Variants in PYGB observed in about 807,000 individuals in gnomAD.
PYGB encodes the protein glycogen phosphorylase B.
In PYGB, 82 loss-of-function variants were observed where a neutral mutation model predicts 94.3. That is an observed-to-expected ratio of 0.87 (90% confidence interval 0.73 to 1.04). The LOEUF (loss-of-function observed/expected upper bound fraction) is 1.04, where lower values mean the gene tolerates loss of function less well. PYGB is among the 50% of genes least tolerant of loss of function. The pLI, the probability that PYGB is intolerant of heterozygous loss-of-function variation, is 0.00. For synonymous variants in PYGB, 488 were observed against 479.1 expected, an observed-to-expected ratio of 1.02 and a Z score of -0.24; for missense variants, 1,132 against 1,158.2, an observed-to-expected ratio of 0.98 and a Z score of 0.33.
intron 5 of PYGB, among the ~76,000 whole-genome samples, chr20:25,275,417 G>T (rs964501968): frequency 1.3e-5 from 2 of 152,370 alleles, no homozygotes; most frequent in East Asian, 1.9e-4. Flanking sequence ...AGGAGAGGCT[G>T]CAGGAGAACG....
chr20:25,272,454 GCACAGCGAT>G (rs1334572587), intron 4 of PYGB, among the ~76,000 whole-genome samples: 2 of 152,220 alleles, frequency 1.3e-5, no homozygotes, highest in African/African-American at 4.8e-5. Context: ...TCCATGACAC[GCACAGCGAT>G]GCGTTTAGTG....
chr20:25,286,643 G>T (rs2088420571), intron 14 of PYGB, among the ~76,000 whole-genome samples: 1 of 152,146 alleles, frequency 6.6e-6, no homozygotes, highest in Non-Finnish European at 1.5e-5. Context: ...CCAGCCTGTG[G>T]CTGCGCCTCT....
chr20:25,266,826 A>G (rs541958360), intron 2 of PYGB, among the ~76,000 whole-genome samples: 1 of 152,354 alleles, frequency 6.6e-6, no homozygotes, highest in Non-Finnish European at 1.5e-5. Flanking sequence ...GTATTCCCAC[A>G]AGAATGGCTA....
At position 25,281,124 on chromosome 20, in the gene PYGB, G is replaced by A. The variant is rs755521369; in HGVS notation, c.1403+12G>A. 8.1e-6 allele frequency: 13 copies of A among 1,613,478 alleles called. No individual in the cohort carries two copies. Among genetic ancestry groups the A allele is most frequent in the African/African-American group, 5.3e-5 (4 of 74,914 alleles). On this transcript the variant is annotated intron_variant, in intron 11 of 19. Coordinates refer to ENST00000216962, the MANE Select transcript of PYGB (RefSeq NM_002862.4). ...GTGAAACAGTCGGTGTGAGTGGGGC[G>A]CTTGCCCGAGCGGGGCCAGCTCTGT...
chr20:25,249,312 G>A (rs1336676455), intron 1 of PYGB, among the ~76,000 whole-genome samples: 1 of 152,220 alleles, frequency 6.6e-6, no homozygotes, highest in African/African-American at 2.4e-5. Context: ...TCAATGGATA[G>A]GATGGTAGTT....
rs928214558 is a variant in PYGB, at chr20:25,287,931, C to T, written c.1769-494C>T. ...GGAAGGTAGAGGCTGCAGTGAGCTA[C>T]GCTTACACCACCGCACTCCAGCCTG... On this transcript the variant is annotated intron_variant, in intron 14 of 19. Transcript: ENST00000216962. Among the ~76,000 whole-genome samples the T allele has an allele frequency of 2.6e-5, 4 of 151,644 alleles. No individual in the cohort carries two copies. The East Asian group carries it at 5.9e-4, about 22-fold the overall frequency.
At chr20:25,258,486 G>A (rs763138810) in intron 1 of PYGB, among the ~76,000 whole-genome samples, 1 of 152,242 alleles carries the variant, frequency 6.6e-6, no homozygotes, top group Non-Finnish European at 1.5e-5. Flanking sequence ...CACATATCCT[G>A]TTAGTCCTTG....
At chr20:25,290,197 C>G (rs1472980037) in intron 15 of PYGB, among the ~76,000 whole-genome samples, 1 of 152,238 alleles carries the variant, frequency 6.6e-6, no homozygotes, top group Non-Finnish European at 1.5e-5. Context: ...CTCTAGAAAT[C>G]CTGGTCTCTT....
chr20:25,294,076 G>A (rs931153124), intron 17 of PYGB, 82 bp from the exon 18 acceptor site: 125 of 1,556,518 alleles, frequency 8.0e-5, no homozygotes, highest in Middle Eastern at 1.9e-4. Context: ...GGCAGGGGCT[G>A]TGCCAGGCAC....
In PYGB at chr20:25,292,618, G is replaced by A. The variant is rs200769829; in HGVS notation, c.2177+5G>A. ...CGAGGCCTTGGACCGGAAAGGGTGC[G>A]AGCCTGTGCCCCTGGGCACCTGGCA... On this transcript the variant is annotated splice_donor_5th_base_variant and intron_variant, in intron 17 of 19. Coordinates refer to ENST00000216962, the MANE Select transcript of PYGB (RefSeq NM_002862.4). 58 of 1,609,088 alleles carry A rather than the reference G, an allele frequency of 3.6e-5. No homozygotes were observed. The highest frequency in any genetic ancestry group is 3.3e-5 in the Admixed American group (2 of 59,944).
rs2088414867 is a variant in PYGB, at chr20:25,285,995, TCC to T, written c.1768+1745_1768+1746del. ...TTTGGCTGAAGATGCCAGTCTTAAC[TCC>T]ACTTCCTTCCCCCAGTGCTTTTTAG... On this transcript the variant is annotated intron_variant, in intron 14 of 19. Coordinates refer to ENST00000216962, the MANE Select transcript of PYGB (RefSeq NM_002862.4). Among the ~76,000 whole-genome samples the T allele has an allele frequency of 2.0e-5, 3 of 152,218 alleles. No homozygotes were observed. The South Asian group carries it at 6.2e-4, about 32-fold the overall frequency.
rs143059247 is a variant in PYGB at position 25,292,413 on chromosome 20, G to A, written c.1977G>A (p.Pro659=). ...ACGGGCTCCCCTCCACAGTGATCCCGGCCGCTGATCTGTCGCAGCAGATCT... is the reference window on the plus strand; with the variant it reads ...ACGGGCTCCCCTCCACAGTGATCCCAGCCGCTGATCTGTCGCAGCAGATCT... ...YRVSLAEKVI[P]AADLSQQIST... Residue 659 remains proline, a synonymous_variant, in exon 17 of 20, where the codon CCG becomes CCA. Coordinates refer to ENST00000216962, the MANE Select transcript of PYGB (RefSeq NM_002862.4). The A allele has an allele frequency of 1.2e-4, 191 of 1,612,982 alleles. No homozygotes were observed. In the African/African-American group the frequency reaches 1.8e-3, roughly 15 times the overall value.
intron 2 of PYGB, among the ~76,000 whole-genome samples, chr20:25,261,050 G>T (rs1045127688): frequency 1.3e-5 from 2 of 152,252 alleles, no homozygotes; most frequent in South Asian, 4.1e-4. Flanking sequence ...CCACCTCTGG[G>T]GGCAGGGCAT....
intron 17 of PYGB, 166 bp from the exon 18 acceptor site, chr20:25,293,992 G>T: frequency 1.2e-6 from 1 of 816,584 alleles, no homozygotes; most frequent in Non-Finnish European, 1.9e-6. Context: ...CCTGCTCAAG[G>T]GCCTCGTAAC....
chr20:25,262,239 A>AT (rs2092915178), intron 2 of PYGB, among the ~76,000 whole-genome samples: 1 of 152,266 alleles, frequency 6.6e-6, no homozygotes, highest in East Asian at 1.9e-4. Flanking sequence ...GAAAGGTTGG[A>AT]TTACCCGCAA....
chr20:25,266,094 G>T (rs1222183908), intron 2 of PYGB, among the ~76,000 whole-genome samples: 2 of 150,934 alleles, frequency 1.3e-5, no homozygotes, highest in East Asian at 1.9e-4. Context: ...CAAGTTATCT[G>T]CCTGCCTTGG....
intron 17 of PYGB, chr20:25,293,917 T>G: frequency 1.8e-6 from 1 of 552,674 alleles, no homozygotes; most frequent in Non-Finnish European, 3.3e-6. Context: ...TGACATTTCT[T>G]TAACAGTCAA....
intron 14 of PYGB, among the ~76,000 whole-genome samples, chr20:25,287,532 G>A (rs76323450): frequency 6.6e-5 from 10 of 152,192 alleles, no homozygotes; most frequent in African/African-American, 2.4e-4. Flanking sequence ...GCCTGTAGTC[G>A]CATCTACTTG....
In PYGB at chr20:25,292,563, C is replaced by T. The variant is rs1180233701; in HGVS notation, c.2127C>T (p.Leu709=). ...CCGAGGAGGCCGGGGCCGAGAACCT[C>T]TTCATCTTCGGCCTGCGGGTGGAGG... ...EMAEEAGAEN[L]FIFGLRVEDV... Residue 709 remains leucine, a synonymous_variant, in exon 17 of 20, where the codon CTC becomes CTT. Coordinates refer to ENST00000216962, the MANE Select transcript of PYGB (RefSeq NM_002862.4). The T allele has an allele frequency of 1.9e-6, 3 of 1,613,076 alleles. No individual in the cohort carries two copies. Among genetic ancestry groups the T allele is most frequent in the African/African-American group, 1.3e-5 (1 of 74,958 alleles).
Sources: allele counts gnomAD v4.1 joint callset (sites outside exome capture counted in the v4.1 genomes callset), GRCh38; gene constraint gnomAD v4.1.1; transcripts MANE v1.5; gene names NCBI Gene and HGNC (gene_info 2026-07-23, HGNC 2026-07-21).